The following KIF15 variants were observed in gnomAD, a reference collection of about 807,000 sequenced individuals.
The protein encoded by KIF15 is kinesin family member 15, also known as kinesin-like protein KIF15.
Under a neutral mutation model 190.6 loss-of-function variants are expected in KIF15, and 140 were observed. That is an observed-to-expected ratio of 0.73 (90% CI 0.64 to 0.84). The LOEUF (loss-of-function observed/expected upper bound fraction) is 0.84. Among genes scored for constraint, KIF15 ranks in the 40% least tolerant of loss-of-function variants. The pLI, the probability that KIF15 is intolerant of heterozygous loss-of-function variation, is 0.00. For missense variants in KIF15, 1,372 were observed against 1,584.4 expected (o/e 0.87, Z 2.28); for synonymous variants, 528 against 551.3 (o/e 0.96, Z 0.59).
intron 1 of KIF15, among the ~76,000 whole-genome samples, chr3:44,768,436 G>A (rs190196349): frequency 7.2e-5 from 11 of 152,192 alleles, no homozygotes; most frequent in African/African-American, 2.6e-4. Context: ...AGCTCTCAGT[G>A]AAAAAAAGTG....
At chr3:44,841,817 C>G (rs1698623029) in intron 29 of KIF15, among the ~76,000 whole-genome samples, 1 of 152,200 alleles carries the variant, frequency 6.6e-6, no homozygotes, top group Non-Finnish European at 1.5e-5. Context: ...ACTAATCCAC[C>G]TACTTTGCTG....
At chr3:44,857,030 AT>A (rs1383311904), downstream of KIF15, among the ~76,000 whole-genome samples, 1 of 152,214 alleles carries the variant, frequency 6.6e-6, no homozygotes, top group African/African-American at 2.4e-5. Flanking sequence ...GTGAGTGGCA[AT>A]TAGGCCTGGT....
At chr3:44,769,049 C>T (rs1705533395) in intron 1 of KIF15, among the ~76,000 whole-genome samples, 2 of 152,114 alleles carry the variant, frequency 1.3e-5, no homozygotes, top group Admixed American at 1.3e-4. Flanking sequence ...TGTCAGTCTT[C>T]GAGGTTCCCT....
rs762895599 is a variant in KIF15 at position 44,800,413 on chromosome 3, C to A, written c.1198C>A (p.Pro400Thr). 1 of 1,614,062 alleles carries A rather than the reference C, an allele frequency of 6.2e-7. No homozygotes were observed. The highest frequency in any genetic ancestry group is 1.1e-5 in the South Asian group (1 of 91,064). ...GGCGGAGCTTGCTTCAGGACAGACA[C>A]CACCAGAAAGCTTCCTGACCAGAGG... ...QLAELASGQT[P>T]PESFLTRDKK... The change falls in exon 11 of 35, where the codon CCA becomes ACA. Residue 400 changes from proline (P) to threonine (T), a missense_variant. Coordinates refer to ENST00000326047, the MANE Select transcript of KIF15 (RefSeq NM_020242.3).
chr3:44,857,882 A>C (rs1353655275), downstream of KIF15, among the ~76,000 whole-genome samples: 1 of 152,222 alleles, frequency 6.6e-6, no homozygotes, highest in Non-Finnish European at 1.5e-5. Context: ...CCCTTGGAGA[A>C]TAAATGTTGA....
At position 44,800,425 on chromosome 3, in the gene KIF15, T is replaced by C. The variant is rs542135156; in HGVS notation, c.1210T>C (p.Phe404Leu). Residue 404 changes from phenylalanine to leucine, a missense_variant, in exon 11 of 35, where the codon TTC (phenylalanine) becomes CTC (leucine). Physicochemically the swap from Phe to Leu is conservative, Grantham distance 22. Coordinates refer to ENST00000326047, the MANE Select transcript of KIF15 (RefSeq NM_020242.3). ...LASGQTPPES[F>L]LTRDKKKTNY... ...TTCAGGACAGACACCACCAGAAAGC[T>C]TCCTGACCAGAGGTAGGATGAGCAC... 3.1e-5 allele frequency: 50 copies of C among 1,614,002 alleles called. No individual in the cohort carries two copies. Among genetic ancestry groups the C allele is most frequent in the African/African-American group, 5.3e-5 (4 of 75,014 alleles).
intron 24 of KIF15, among the ~76,000 whole-genome samples, chr3:44,829,626 CATTATATATGTATAT>C (rs1306577703): frequency 1.5e-4 from 5 of 34,008 alleles, no homozygotes; most frequent in Non-Finnish European, 2.0e-4. Context: ...TATGTATATA[CATTATATATGTATAT>C]ATTATATATG....
At chr3:44,827,095 C>T in intron 22 of KIF15, 1 of 454,946 alleles carries the variant, frequency 2.2e-6, no homozygotes. Flanking sequence ...ATCCAACAAG[C>T]CAGGCACTGA....
chr3:44,858,529 G>A (rs879004745), intron 6 of KIF15, among the ~76,000 whole-genome samples: 5 of 152,004 alleles, frequency 3.3e-5, no homozygotes, highest in Non-Finnish European at 7.4e-5. Flanking sequence ...GGGTTAAGGT[G>A]GGGGGGATAC....
intron 9 of KIF15, 64 bp downstream of exon 9, chr3:44,797,740 C>G: frequency 1.9e-6 from 3 of 1,604,238 alleles, no homozygotes; most frequent in Non-Finnish European, 2.6e-6. Context: ...GTGGGACAGT[C>G]TCTCAGCCTT....
chr3:44,832,786 G>A (rs1014333207), intron 26 of KIF15, among the ~76,000 whole-genome samples: 5 of 151,930 alleles, frequency 3.3e-5, no homozygotes, highest in Admixed American at 6.6e-5. Flanking sequence ...AGGCCGAGGC[G>A]GGTGGATCAC....
chr3:44,827,117 C>T (rs1697704988), intron 22 of KIF15: 1 of 438,440 alleles, frequency 2.3e-6, no homozygotes, highest in Non-Finnish European at 4.6e-6. Flanking sequence ...CTGGTGAATT[C>T]CAGAACATTT....
chr3:44,800,191 A>C (rs1439586120), intron 10 of KIF15, 123 bp from the exon 11 acceptor site: 4 of 826,598 alleles, frequency 4.8e-6, no homozygotes, highest in Non-Finnish European at 7.6e-6. Context: ...CCTTTTGACT[A>C]TGATGTGGTC....
intron 6 of KIF15, chr3:44,865,230 C>T (rs994292782): frequency 6.2e-7 from 1 of 1,611,290 alleles, no homozygotes; most frequent in Non-Finnish European, 8.5e-7. Flanking sequence ...GGTGGCCCAG[C>T]CTTGGGATGT....
intron 16 of KIF15, among the ~76,000 whole-genome samples, chr3:44,806,844 C>A (rs2125648066): frequency 6.6e-6 from 1 of 152,266 alleles, no homozygotes; most frequent in African/African-American, 2.4e-5. Context: ...CTCCCAGGTT[C>A]AAGCGATTCT....
chr3:44,777,468 C>A (rs867274236), intron 3 of KIF15, among the ~76,000 whole-genome samples: 1 of 151,890 alleles, frequency 6.6e-6, no homozygotes, highest in Non-Finnish European at 1.5e-5. Flanking sequence ...TGGAGGTGGG[C>A]GGATCACGAG....
chr3:44,831,461 C>G (rs1156578332), intron 26 of KIF15, among the ~76,000 whole-genome samples: 1 of 152,108 alleles, frequency 6.6e-6, no homozygotes, highest in Non-Finnish European at 1.5e-5. Context: ...TATAACTGAC[C>G]CCTGTAAGGG....
intron 8 of KIF15, among the ~76,000 whole-genome samples, chr3:44,795,750 C>T (rs141352241): frequency 0.011 from 1,660 of 151,964 alleles, 10 homozygotes; most frequent in Non-Finnish European, 0.018. Flanking sequence ...TTAGAATATA[C>T]ATGGGCAAGG....
At chr3:44,857,199 C>G (rs1699198518), downstream of KIF15, among the ~76,000 whole-genome samples, 1 of 151,652 alleles carries the variant, frequency 6.6e-6, no homozygotes, top group African/African-American at 2.4e-5. Flanking sequence ...GAAGTCCGGG[C>G]CAGAAAAATG....
Sources: gnomAD v4.1 joint callset for allele counts (sites outside exome capture counted in the v4.1 genomes callset) on GRCh38, gnomAD v4.1.1 for gene constraint, MANE v1.5 for transcripts, NCBI Gene and HGNC (gene_info 2026-07-23, HGNC 2026-07-21) for gene names.